The following XYLT1 variants were observed in gnomAD, a reference collection of about 807,000 sequenced individuals.
XYLT1 encodes the protein xylosyltransferase 1.
XYLT1 carries 36 observed loss-of-function variants against 91.3 expected under a neutral mutation model. The observed-to-expected ratio is 0.39, with a 90% CI of 0.30 to 0.52. XYLT1 has a LOEUF of 0.52. XYLT1 is among the 20% of genes least tolerant of loss of function. The probability of loss-of-function intolerance (pLI) is 0.68; values close to 1 mark genes in which losing one functional copy is unlikely to be tolerated. For missense variants in XYLT1, 1,242 were observed against 1,284.5 expected (o/e 0.97, Z 0.51); for synonymous variants, 588 against 532.0 (o/e 1.11, Z -1.45).
At chr16:17,144,330 G>A (rs2031075229) in intron 6 of XYLT1, among the ~76,000 whole-genome samples, 1 of 152,178 alleles carries the variant, frequency 6.6e-6, no homozygotes, top group African/African-American at 2.4e-5. Flanking sequence ...TGAAAGACAG[G>A]AAACACTATA....
rs566281345 is a variant in XYLT1 at position 17,141,472 on chromosome 16, T to C, written c.1371-103A>G. ...ACAATCATAGCGATGATGGCAATTATTGAGTGCCTGCTGTGTGCCAGGTAC... is the reference window on the plus strand; with the variant it reads ...ACAATCATAGCGATGATGGCAATTACTGAGTGCCTGCTGTGTGCCAGGTAC... On this transcript the variant is annotated intron_variant, in intron 6 of 11. Transcript: ENST00000261381. The C allele has an allele frequency of 8.0e-5, 93 of 1,157,676 alleles. No individual in the cohort carries two copies. The African/African-American group carries it at 8.6e-4, about 11-fold the overall frequency. 71.7% of individuals were successfully genotyped at this position (1,157,676 alleles called of 1,614,324 possible).
intron 8 of XYLT1, among the ~76,000 whole-genome samples, chr16:17,135,181 T>C (rs2030666224): frequency 6.6e-6 from 1 of 152,062 alleles, no homozygotes; most frequent in Non-Finnish European, 1.5e-5. Flanking sequence ...TAAACAGCAA[T>C]AGATCTGGCA....
intron 1 of XYLT1, among the ~76,000 whole-genome samples, chr16:17,392,251 T>C (rs550326264): frequency 5.9e-4 from 90 of 152,328 alleles, no homozygotes; most frequent in African/African-American, 2.1e-3. Flanking sequence ...CCAGCACCGA[T>C]GGCCAAAGGT....
chr16:17,140,655 T>A (rs1281461091), intron 7 of XYLT1, among the ~76,000 whole-genome samples: 1 of 53,670 alleles, frequency 1.9e-5, no homozygotes, highest in Non-Finnish European at 3.1e-5. Flanking sequence ...AGGAAGACTG[T>A]CTCAAAAAAA....
At chr16:17,179,223 C>T (rs189397340) in intron 5 of XYLT1, among the ~76,000 whole-genome samples, 3 of 152,138 alleles carry the variant, frequency 2.0e-5, no homozygotes, top group African/African-American at 7.2e-5. Context: ...GGGTAGACAC[C>T]AGGGTCTCCT....
intron 2 of XYLT1, among the ~76,000 whole-genome samples, chr16:17,321,214 A>G (rs896064900): frequency 2.0e-5 from 3 of 151,956 alleles, no homozygotes; most frequent in Non-Finnish European, 4.4e-5. Context: ...TCTGAAATTG[A>G]AAACCACTAT....
At chr16:17,376,226 C>A (rs570251734) in intron 1 of XYLT1, among the ~76,000 whole-genome samples, 1 of 152,192 alleles carries the variant, frequency 6.6e-6, no homozygotes, top group Non-Finnish European at 1.5e-5. Context: ...TGAAAGGGAG[C>A]GTGTACTGGC....
At chr16:17,193,121 C>A (rs1369581644) in intron 5 of XYLT1, 1 of 152,078 alleles carries the variant, frequency 6.6e-6, no homozygotes, top group East Asian at 1.9e-4. Context: ...CCCACTTTTC[C>A]CTCTTTTGAC....
At chr16:17,401,418 T>C (rs1208499845) in intron 1 of XYLT1, among the ~76,000 whole-genome samples, 1 of 152,140 alleles carries the variant, frequency 6.6e-6, no homozygotes, top group African/African-American at 2.4e-5. Flanking sequence ...CAAGCTGAAG[T>C]TGTGGAAATG....
chr16:17,254,860 T>C (rs1008239720), intron 3 of XYLT1, among the ~76,000 whole-genome samples: 1 of 152,130 alleles, frequency 6.6e-6, no homozygotes, highest in Non-Finnish European at 1.5e-5. Context: ...TGCAAGGAGG[T>C]TGGCACCCCT....
chr16:17,139,028 C>A (rs1348907171), intron 7 of XYLT1, among the ~76,000 whole-genome samples: 1 of 152,160 alleles, frequency 6.6e-6, no homozygotes, highest in Non-Finnish European at 1.5e-5. Context: ...GGTGGGGCTG[C>A]TTGCTGTCCA....
At chr16:17,304,450 T>A (rs1390761804) in intron 2 of XYLT1, among the ~76,000 whole-genome samples, 1 of 146,808 alleles carries the variant, frequency 6.8e-6, no homozygotes, top group Non-Finnish European at 1.5e-5. Context: ...GGTATAAGCA[T>A]GCTGCGAAAA....
chr16:17,326,084 C>T (rs929395420), intron 2 of XYLT1, among the ~76,000 whole-genome samples: 2 of 152,150 alleles, frequency 1.3e-5, no homozygotes, highest in Non-Finnish European at 2.9e-5. Flanking sequence ...TGCACAGACT[C>T]GTGACACCAT....
chr16:17,155,036 C>T (rs1472970541), intron 6 of XYLT1, among the ~76,000 whole-genome samples: 1 of 152,150 alleles, frequency 6.6e-6, no homozygotes, highest in South Asian at 2.1e-4. Flanking sequence ...ATGCAACCCC[C>T]TTGTTTTTCA....
chr16:17,389,332 A>G (rs1014342449), intron 1 of XYLT1, among the ~76,000 whole-genome samples: 4 of 152,144 alleles, frequency 2.6e-5, no homozygotes, highest in African/African-American at 7.2e-5. Context: ...TTCAGCCTCA[A>G]CCTCCCGGGC....
At chr16:17,262,848 T>C (rs1567347147) in intron 2 of XYLT1, among the ~76,000 whole-genome samples, 1 of 152,180 alleles carries the variant, frequency 6.6e-6, no homozygotes, top group Non-Finnish European at 1.5e-5. Context: ...TACTGTAGCA[T>C]GGTCTAACTC....
At chr16:17,301,197 G>A (rs1009656803) in intron 2 of XYLT1, among the ~76,000 whole-genome samples, 1 of 152,058 alleles carries the variant, frequency 6.6e-6, no homozygotes, top group African/African-American at 2.4e-5. Flanking sequence ...GATTAGTTGA[G>A]GTTGGGAGTT....
intron 3 of XYLT1, among the ~76,000 whole-genome samples, chr16:17,229,610 A>G (rs1182747968): frequency 1.3e-5 from 2 of 152,148 alleles, no homozygotes; most frequent in East Asian, 3.9e-4. Context: ...CATTCACCCT[A>G]ACAGAGGTGA....
chr16:17,125,630 T>C (rs1033725458), intron 10 of XYLT1, among the ~76,000 whole-genome samples: 1 of 152,102 alleles, frequency 6.6e-6, no homozygotes. Context: ...AGAAAAGCCT[T>C]CCTAGATGAA....
Sources: allele counts gnomAD v4.1 joint callset (sites outside exome capture counted in the v4.1 genomes callset), GRCh38; gene constraint gnomAD v4.1.1; transcripts MANE v1.5; gene names NCBI Gene and HGNC (gene_info 2026-07-23, HGNC 2026-07-21).